Variants in TREML1 observed in about 807,000 individuals in gnomAD.
TREML1 encodes trem-like transcript 1 protein.
Under a neutral mutation model 22.8 loss-of-function variants are expected in TREML1, and 27 were observed. That is an observed-to-expected ratio of 1.19 (90% CI 0.87 to 1.64). The LOEUF (loss-of-function observed/expected upper bound fraction) is 1.64, where lower values mean the gene tolerates loss of function less well. Among genes scored for constraint, TREML1 ranks in the 40% most tolerant of loss-of-function variants. TREML1 has a pLI of 0.00. For missense variants in TREML1, 356 were observed against 382.0 expected (o/e 0.93, Z 0.57); for synonymous variants, 153 against 161.9 (o/e 0.94, Z 0.42).
At position 41,150,274 on chromosome 6, in the gene TREML1, C is replaced by T; in HGVS notation, c.608G>A (p.Arg203Lys). Reference protein sequence around the residue: ...LGVCGRFLSSRVSGMNPSSVV... With the variant: ...LGVCGRFLSSKVSGMNPSSVV... ...GAGGCCTCTTACCATGCCTGAAACT[C>T]TGCTGCTCAGGAATCGGCCACAGAC... is the stretch of plus-strand genomic sequence containing the variant. The change falls in exon 5 of 6, where the codon AGA becomes AAA. Residue 203 changes from arginine (R) to lysine (K), a missense_variant. Arg to Lys is a conservative substitution (Grantham distance 26). Coordinates refer to ENST00000426005, the MANE Select transcript of TREML1 (RefSeq NM_178174.4). 1 of 1,614,042 alleles carries T rather than the reference C, an allele frequency of 6.2e-7. No individual in the cohort carries two copies. The highest frequency in any genetic ancestry group is 1.6e-4 in the Middle Eastern group (1 of 6,062).
At chr6:41,150,234 G>T (rs746281151) in intron 5 of TREML1, 27 bp downstream of exon 5, 1 of 1,612,758 alleles carries the variant, frequency 6.2e-7, no homozygotes, top group Non-Finnish European at 8.5e-7. Context: ...TGGGGAATTT[G>T]GCTGTGGGCC....
chr6:41,154,481 A>AG, upstream of TREML1: 1 of 581,720 alleles, frequency 1.7e-6, no homozygotes, highest in Non-Finnish European at 3.0e-6. Flanking sequence ...CCTGAGGGTA[A>AG]GGGTGGGCAA....
At chr6:41,152,889 G>T (rs1198688802) in intron 2 of TREML1, among the ~76,000 whole-genome samples, 7 of 151,880 alleles carry the variant, frequency 4.6e-5, no homozygotes, top group Admixed American at 3.9e-4. Flanking sequence ...CAAAAAACAA[G>T]GGAAGGGAAA....
chr6:41,149,325 C>A, downstream of TREML1: 1 of 337,660 alleles, frequency 3.0e-6, no homozygotes, highest in Non-Finnish European at 5.4e-6. Flanking sequence ...TTTCCTTTCC[C>A]ATTCAGCCAT....
intron 2 of TREML1, 27 bp from the exon 3 acceptor site, chr6:41,151,411 G>A: frequency 6.2e-7 from 1 of 1,602,956 alleles, no homozygotes. Context: ...GGAGTCAGAA[G>A]GAAACATTTA....
At chr6:41,155,363 C>T (rs964158178), upstream of TREML1, among the ~76,000 whole-genome samples, 19 of 145,198 alleles carry the variant, frequency 1.3e-4, no homozygotes, top group African/African-American at 5.0e-4. Context: ...ATTTACATTC[C>T]AGAGTAAACG....
chr6:41,154,003 TC>T lies in TREML1; in HGVS notation c.130del (p.Asp44MetfsTer77). ...ILVQCHYRLQDVKAQKVWCRF... is the reference protein window; with the variant it reads ...ILVQCHYRLQXVKAQKVWCRF... ...GCACCACACCTTCTGAGCTTTGACA[TC>T]CTGGAGCCTGTAGTGGCACTGCACC... On this transcript the variant is annotated frameshift_variant, in exon 2 of 6. Coordinates refer to ENST00000426005, the MANE Select transcript of TREML1 (RefSeq NM_178174.4). LOFTEE classifies it high-confidence loss of function. 1 of 1,614,112 alleles carries T rather than the reference TC, an allele frequency of 6.2e-7. No homozygotes were observed. The highest frequency in any genetic ancestry group is 8.5e-7 in the Non-Finnish European group (1 of 1,180,020).
chr6:41,149,759 C>G lies in TREML1; in HGVS notation c.781G>C (p.Ala261Pro). 1 of 1,614,090 alleles carries G rather than the reference C, an allele frequency of 6.2e-7. No individual in the cohort carries two copies. Among genetic ancestry groups the G allele is most frequent in the South Asian group, 1.1e-5 (1 of 91,082 alleles). The change falls in exon 6 of 6, where the codon GCT becomes CCT. Residue 261 changes from alanine (A) to proline (P), a missense_variant. Transcript: ENST00000426005. ...GGTAGAGGGGGCAATGAGGATGGAG[C>G]TGGGAGTGAAGGTTTTCCTGATGGG... is the stretch of plus-strand genomic sequence containing the variant. ...DSPSGKPSLP[A>P]PSSLPPLPPK... is the part of the protein sequence containing the mutation.
intron 5 of TREML1, 151 bp downstream of exon 5, chr6:41,150,110 A>G (rs1765206206): frequency 2.0e-6 from 2 of 1,004,906 alleles, no homozygotes; most frequent in East Asian, 2.6e-5. Flanking sequence ...AAGGGAGACC[A>G]TTAGTGTCAA....
At chr6:41,155,375 T>TTCTC (rs3049085), upstream of TREML1, among the ~76,000 whole-genome samples, 1,443 of 136,818 alleles carry the variant, frequency 0.011, 27 homozygotes, top group East Asian at 0.035. Flanking sequence ...GAGTAAACGT[T>TTCTC]TCTCTCTCTC....
At position 41,153,685 on chromosome 6, in the gene TREML1, C is replaced by T. The variant is rs1765335862; in HGVS notation, c.376+73G>A. The T allele has an allele frequency of 2.1e-6, 3 of 1,461,088 alleles. No individual in the cohort carries two copies. The South Asian group carries it at 4.0e-5, about 20-fold the overall frequency. The allele number at this position is 1,461,088 out of a possible 1,614,324, so 90.5% of individuals were successfully genotyped here. On this transcript the variant is annotated intron_variant, in intron 2 of 5. Coordinates refer to ENST00000426005, the MANE Select transcript of TREML1 (RefSeq NM_178174.4). Reference sequence around the variant, plus strand: ...CCAGGGGCCCCCACTCCTCAAGAACCCATGAGCCCTGGCAATAGGCGGGGG... The same window carrying T: ...CCAGGGGCCCCCACTCCTCAAGAACTCATGAGCCCTGGCAATAGGCGGGGG...
In TREML1 at chr6:41,150,217, G is replaced by A. The variant is rs200853829; in HGVS notation, c.621+44C>T. On this transcript the variant is annotated intron_variant, in intron 5 of 5. Transcript: ENST00000426005. The stretch of plus-strand genomic sequence containing the variant: ...GACCTCTCAGTGAGTGAGATGAATG[G>A]AAAGTCTGGGGAATTTGGCTGTGGG... 57 of 1,606,932 alleles carry A rather than the reference G, an allele frequency of 3.5e-5. No homozygotes were observed. The Admixed American group carries it at 6.4e-4, about 18-fold the overall frequency.
At position 41,151,695 on chromosome 6, in the gene TREML1, T is replaced by C. The variant is rs908400907; in HGVS notation, c.377-311A>G. 3.6e-5 allele frequency: 13 copies of C among 365,052 alleles called. No homozygotes were observed. In the South Asian group the frequency reaches 3.6e-4, roughly 10 times the overall value. 22.6% of individuals were successfully genotyped at this position (365,052 alleles called of 1,614,324 possible). ...TTTTACCTGCTCTACCCCTCACCCC[T>C]CTGGCCTTATCAAGCTGTTAAGTCT... On this transcript the variant is annotated intron_variant, in intron 2 of 5. Transcript: ENST00000426005.
At position 41,149,530 on chromosome 6, in the gene TREML1, G is replaced by A. The variant is rs549719043; in HGVS notation, c.*74C>T. The stretch of plus-strand genomic sequence containing the variant: ...TTGCTCAGATATCCTAAGGATCCTA[G>A]GGCATGAGCTGGCTGGATGGATGCA... On this transcript the variant is annotated 3_prime_UTR_variant, in exon 6 of 6. Coordinates refer to ENST00000426005, the MANE Select transcript of TREML1 (RefSeq NM_178174.4). The A allele has an allele frequency of 4.2e-5, 62 of 1,482,288 alleles. No individual in the cohort carries two copies. The African/African-American group carries it at 7.2e-4, about 17-fold the overall frequency. The allele number at this position is 1,482,288 out of a possible 1,614,324, so 91.8% of individuals were successfully genotyped here.
chr6:41,151,916 C>A (rs1765262184), intron 2 of TREML1, among the ~76,000 whole-genome samples: 2 of 152,230 alleles, frequency 1.3e-5, no homozygotes, highest in African/African-American at 4.8e-5. Context: ...GGTGGGCCCT[C>A]ATGTGATGCA....
chr6:41,150,168 C>A, intron 5 of TREML1, 93 bp downstream of exon 5: 1 of 1,422,710 alleles, frequency 7.0e-7, no homozygotes, highest in Non-Finnish European at 9.8e-7. Context: ...AGGTCCCAGT[C>A]CTTTCTCCAC....
At chr6:41,152,572 GA>G (rs978029705) in intron 2 of TREML1, among the ~76,000 whole-genome samples, 4 of 151,718 alleles carry the variant, frequency 2.6e-5, no homozygotes, top group Admixed American at 2.0e-4. Flanking sequence ...TATTTAGAGG[GA>G]AAAAAAACAA....
chr6:41,150,510 C>G (rs769173060), intron 4 of TREML1, among the ~76,000 whole-genome samples, 197 bp from the exon 5 acceptor site: 4 of 152,116 alleles, frequency 2.6e-5, no homozygotes, highest in Non-Finnish European at 5.9e-5. Context: ...GCTTCCAGAG[C>G]TCCCTTCAAC....
At chr6:41,150,432 A>C in intron 4 of TREML1, 119 bp from the exon 5 acceptor site, 1 of 869,076 alleles carries the variant, frequency 1.2e-6, no homozygotes, top group Admixed American at 2.4e-5. Flanking sequence ...CACCTTCCCC[A>C]CTCCCACCAC....
Sources: allele counts gnomAD v4.1 joint callset (sites outside exome capture counted in the v4.1 genomes callset), GRCh38; gene constraint gnomAD v4.1.1; transcripts MANE v1.5; gene names NCBI Gene and HGNC (gene_info 2026-07-23, HGNC 2026-07-21).